The following RAD54B variants were observed in gnomAD, a reference collection of about 807,000 sequenced individuals.
RAD54B encodes RAD54 homolog B.
In RAD54B, 78 loss-of-function variants were observed where a neutral mutation model predicts 95.8. That is an observed-to-expected ratio of 0.81 (90% CI 0.68 to 0.98). RAD54B has a LOEUF of 0.98. Ranked by LOEUF, RAD54B falls within the 50% of genes least tolerant of loss-of-function variation. The probability of loss-of-function intolerance (pLI) is 0.00; values close to 1 mark genes in which losing one functional copy is unlikely to be tolerated. For missense variants in RAD54B, 957 were observed against 1,056.6 expected (o/e 0.91, Z 1.31); for synonymous variants, 328 against 354.9 (o/e 0.92, Z 0.85).
At chr8:94,411,428 T>TCTTTC in intron 3 of RAD54B, 113 bp from the exon 4 acceptor site, 1 of 774,620 alleles carries the variant, frequency 1.3e-6, no homozygotes, top group Non-Finnish European at 1.9e-6. Context: ...TAAGAAATAG[T>TCTTTC]ATGAAAGAAT....
intron 7 of RAD54B, 39 bp from the exon 8 acceptor site, chr8:94,399,660 A>C (rs1312629867): frequency 6.5e-7 from 1 of 1,542,088 alleles, no homozygotes; most frequent in East Asian, 2.3e-5. Flanking sequence ...TCAGGAACAG[A>C]AACTATATGA....
intron 1 of RAD54B, among the ~76,000 whole-genome samples, chr8:94,472,577 A>G (rs556090654): frequency 6.6e-6 from 1 of 152,316 alleles, no homozygotes; most frequent in African/African-American, 2.4e-5. Flanking sequence ...TCTGTTCTCT[A>G]CATTAGTCAG....
rs556821145 is a variant in RAD54B at position 94,422,651 on chromosome 8, T to TATATATAAAA, written c.305-11337_305-11336insTTTTATATAT. 1.4e-3 allele frequency among the ~76,000 whole-genome samples: 123 copies of TATATATAAAA among 88,866 alleles called. 1 individual carries two copies. The highest frequency in any genetic ancestry group is 2.3e-3 in the Non-Finnish European group (104 of 45,444). 58.3% of individuals were successfully genotyped at this position (88,866 alleles called of 152,430 possible). On this transcript the variant is annotated intron_variant, in intron 3 of 14. Coordinates refer to ENST00000336148, the MANE Select transcript of RAD54B (RefSeq NM_012415.3). Reference sequence around the variant, plus strand: ...ATATATATATATATATATATATATATATAAAATTATCAGTGTTACAGCTCT... The same window carrying TATATATAAAA: ...ATATATATATATATATATATATATATATATATAAAAATAAAATTATCAGTGTTACAGCTCT...
intron 3 of RAD54B, chr8:94,428,750 G>A (rs1042475939): frequency 1.0e-6 from 1 of 984,848 alleles, no homozygotes; most frequent in Admixed American, 6.2e-5. Context: ...CATTGTACTA[G>A]CAAACTTTCC....
At chr8:94,388,145 T>C (rs1459689670) in intron 10 of RAD54B, among the ~76,000 whole-genome samples, 1 of 152,168 alleles carries the variant, frequency 6.6e-6, no homozygotes, top group East Asian at 1.9e-4. Flanking sequence ...AGTTGACCCT[T>C]GAACACATGG....
intron 2 of RAD54B, among the ~76,000 whole-genome samples, chr8:94,460,348 A>G (rs969662623): frequency 1.3e-5 from 2 of 152,016 alleles, no homozygotes; most frequent in Non-Finnish European, 2.9e-5. Context: ...GTGTGTTCCA[A>G]TAGTCCCAGA....
Position 94,411,303 on chromosome 8 carries a change from G to A in RAD54B, c.317C>T (p.Pro106Leu). ...LDPPHTVHSA[P>L]KEVAVSKEQE... ...TTCCTTGGACACTGCTACTTCTTTA[G>A]GAGCCGAATGAACTACAATTAAAAA... Residue 106 changes from proline to leucine, a missense_variant, in exon 4 of 15, where the codon CCT (proline) becomes CTT (leucine). Physicochemically the swap from Pro to Leu is moderately conservative, Grantham distance 98. Coordinates refer to ENST00000336148, the MANE Select transcript of RAD54B (RefSeq NM_012415.3). The A allele has an allele frequency of 6.4e-7, 1 of 1,563,242 alleles. No homozygotes were observed.
At chr8:94,419,411 G>A (rs892273562) in intron 3 of RAD54B, among the ~76,000 whole-genome samples, 1 of 152,124 alleles carries the variant, frequency 6.6e-6, no homozygotes, top group African/African-American at 2.4e-5. Context: ...GGGAGGTTGA[G>A]GCAGGAGAAT....
chr8:94,393,938 T>G, intron 8 of RAD54B, 56 bp from the exon 9 acceptor site: 1 of 1,458,372 alleles, frequency 6.9e-7, no homozygotes, highest in South Asian at 1.4e-5. Flanking sequence ...AATCACAATC[T>G]CAGGTTTATA....
chr8:94,380,013 G>A, intron 12 of RAD54B, 132 bp downstream of exon 12: 2 of 976,792 alleles, frequency 2.0e-6, no homozygotes, highest in East Asian at 2.6e-5. Flanking sequence ...AAAGCACTTA[G>A]GAGAGTGCCT....
chr8:94,450,314 A>G (rs1051936913), intron 3 of RAD54B, among the ~76,000 whole-genome samples: 74 of 152,326 alleles, frequency 4.9e-4, no homozygotes, highest in African/African-American at 1.7e-3. Context: ...CCTCAACCAT[A>G]ATATCAAAGT....
chr8:94,414,209 G>A (rs558354464), intron 3 of RAD54B, among the ~76,000 whole-genome samples: 1 of 152,262 alleles, frequency 6.6e-6, no homozygotes, highest in East Asian at 1.9e-4. Flanking sequence ...TTGCTTATCA[G>A]CTTAAGGAGA....
chr8:94,452,641 G>C (rs1029326781), intron 3 of RAD54B, among the ~76,000 whole-genome samples: 18 of 152,060 alleles, frequency 1.2e-4, no homozygotes, highest in African/African-American at 3.1e-4. Context: ...GGGAATACAG[G>C]CACCCACCAC....
In RAD54B at chr8:94,372,299, C is replaced by T; in HGVS notation, c.2604G>A (p.Met868Ile). 6.2e-7 allele frequency: 1 copy of T among 1,613,754 alleles called. No individual in the cohort carries two copies. Among genetic ancestry groups the T allele is most frequent in the Non-Finnish European group, 8.5e-7 (1 of 1,179,882 alleles). The change falls in exon 15 of 15, where the codon ATG becomes ATA. Residue 868 changes from methionine (M) to isoleucine (I), a missense_variant. Physicochemically the swap from Met to Ile is conservative, Grantham distance 10. Transcript: ENST00000336148. ...QKSNSLKPLS[M>I]SQLKQWKHFS... is the part of the protein sequence containing the mutation. ...AATGTTTCCATTGCTTCAGCTGGGA[C>T]ATAGAAAGAGGTTTCAGGGAGTTAG... is the stretch of plus-strand genomic sequence containing the variant.
Position 94,372,209 on chromosome 8 carries a change from G to GA in RAD54B, c.2693dup (p.Ile899HisfsTer19), listed in dbSNP as rs1482714406. ...CTTGAGTGGTTATATTCTGAAAAATGAATGACACATTTTCTGTTATTCTTT... is the reference window on the plus strand; with the variant it reads ...CTTGAGTGGTTATATTCTGAAAAATGAAATGACACATTTTCTGTTATTCTTT... On this transcript the variant is annotated frameshift_variant, in exon 15 of 15. Coordinates refer to ENST00000336148, the MANE Select transcript of RAD54B (RefSeq NM_012415.3). LOFTEE classifies it high-confidence loss of function. 6.2e-7 allele frequency: 1 copy of GA among 1,611,040 alleles called. No individual in the cohort carries two copies. The highest frequency in any genetic ancestry group is 8.5e-7 in the Non-Finnish European group (1 of 1,179,120).
intron 3 of RAD54B, chr8:94,431,056 A>T: frequency 1.0e-6 from 1 of 985,420 alleles, no homozygotes; most frequent in Non-Finnish European, 1.2e-6. Context: ...ACTTGGCTTA[A>T]AAATCCCTTC....
At chr8:94,396,387 C>CAA (rs112302212) in intron 8 of RAD54B, among the ~76,000 whole-genome samples, 32 of 132,352 alleles carry the variant, frequency 2.4e-4, no homozygotes, top group Admixed American at 1.6e-3. Context: ...CCTATCCCTA[C>CAA]AAAAAAAAAA....
chr8:94,414,290 A>C (rs985863559), intron 3 of RAD54B, among the ~76,000 whole-genome samples: 12 of 151,904 alleles, frequency 7.9e-5, no homozygotes, highest in Admixed American at 1.3e-4. Flanking sequence ...AATTTGACTT[A>C]CTCTTTTCCT....
intron 3 of RAD54B, among the ~76,000 whole-genome samples, chr8:94,441,275 C>T (rs145245479): frequency 0.012 from 1,850 of 152,236 alleles, 17 homozygotes; most frequent in South Asian, 0.02. Flanking sequence ...TTCTACAACT[C>T]GGTGTCTGAG....
Sources: allele counts gnomAD v4.1 joint callset (sites outside exome capture counted in the v4.1 genomes callset), GRCh38; gene constraint gnomAD v4.1.1; transcripts MANE v1.5; gene names NCBI Gene and HGNC (gene_info 2026-07-23, HGNC 2026-07-21).